ATP6V0E1: variants seen among roughly 807,000 people sequenced by gnomAD.
ATP6V0E1 encodes the protein ATPase H+ transporting V0 subunit e1.
A neutral mutation model predicts 11.6 loss-of-function variants in ATP6V0E1; 4 were observed. The observed-to-expected ratio is 0.35, with a 90% CI of 0.17 to 0.79. The LOEUF (loss-of-function observed/expected upper bound fraction) is 0.79, where lower values mean the gene tolerates loss of function less well. Among genes scored for constraint, ATP6V0E1 ranks in the 30% least tolerant of loss-of-function variants. The pLI is 0.54. For missense variants in ATP6V0E1, 105 were observed against 100.0 expected, an observed-to-expected ratio of 1.05 and a Z score of -0.21; for synonymous variants, 36 against 34.8, an observed-to-expected ratio of 1.04 and a Z score of -0.13.
intron 2 of ATP6V0E1, among the ~76,000 whole-genome samples, chr5:173,004,711 G>A (rs779966607): frequency 2.6e-5 from 4 of 152,130 alleles, no homozygotes; most frequent in Non-Finnish European, 5.9e-5. Context: ...TTTATATTCC[G>A]TTATTAGGCG....
At chr5:173,006,503 G>A (rs562602164) in intron 2 of ATP6V0E1, among the ~76,000 whole-genome samples, 7 of 152,136 alleles carry the variant, frequency 4.6e-5, no homozygotes, top group African/African-American at 1.7e-4. Context: ...CCAGCGACTC[G>A]GGAGGCTGAG....
intron 2 of ATP6V0E1, among the ~76,000 whole-genome samples, chr5:173,003,979 G>A (rs1054541828): frequency 4.6e-5 from 7 of 152,180 alleles, no homozygotes; most frequent in Non-Finnish European, 1.0e-4. Context: ...GCACAGGACA[G>A]CCTCACTTTC....
At chr5:173,017,533 TAAAAAAAAAAAAAAA>T (rs750496072) in intron 2 of ATP6V0E1, among the ~76,000 whole-genome samples, 1 of 62,802 alleles carries the variant, frequency 1.6e-5, no homozygotes, top group Non-Finnish European at 3.2e-5. Flanking sequence ...AGACTTCGTC[TAAAAAAAAAAAAAAA>T]AAAGCGATTC....
At chr5:172,988,935 C>T (rs1272913040) in intron 1 of ATP6V0E1, among the ~76,000 whole-genome samples, 4 of 152,332 alleles carry the variant, frequency 2.6e-5, no homozygotes, top group African/African-American at 7.2e-5. Context: ...GTGATCCTCT[C>T]GCCTCGGCCT....
chr5:172,990,660 C>A (rs1259175623), intron 1 of ATP6V0E1, among the ~76,000 whole-genome samples: 1 of 151,724 alleles, frequency 6.6e-6, no homozygotes, highest in Non-Finnish European at 1.5e-5. Flanking sequence ...AACCTCATCT[C>A]TACTAAAAAT....
chr5:172,993,645 A>G (rs1756016436), intron 1 of ATP6V0E1, among the ~76,000 whole-genome samples: 2 of 151,032 alleles, frequency 1.3e-5, no homozygotes, highest in South Asian at 2.1e-4. Context: ...ACTTGAGGCC[A>G]GGAGTTCAAG....
intron 2 of ATP6V0E1, among the ~76,000 whole-genome samples, chr5:173,001,143 A>C (rs946352319): frequency 3.9e-5 from 6 of 152,206 alleles, no homozygotes; most frequent in African/African-American, 1.4e-4. Context: ...ATTTAGCATT[A>C]GTAGGCACTG....
At chr5:172,998,966 A>G (rs549281919) in intron 2 of ATP6V0E1, among the ~76,000 whole-genome samples, 50 of 152,168 alleles carry the variant, frequency 3.3e-4, no homozygotes, top group Middle Eastern at 3.4e-3. Context: ...GTGAAACCCC[A>G]TCTCTACTAA....
At chr5:173,034,098 CTG>C (rs144137829) in intron 3 of ATP6V0E1, among the ~76,000 whole-genome samples, 38 of 152,320 alleles carry the variant, frequency 2.5e-4, no homozygotes, top group African/African-American at 9.1e-4. Flanking sequence ...ACTCTTGAAA[CTG>C]CGGTGAATTC....
At chr5:172,993,455 A>C (rs1318696710) in intron 1 of ATP6V0E1, among the ~76,000 whole-genome samples, 1 of 152,104 alleles carries the variant, frequency 6.6e-6, no homozygotes, top group African/African-American at 2.4e-5. Context: ...GCAATGAGCC[A>C]AGATTGTGCC....
In ATP6V0E1 at chr5:172,985,314, T is replaced by C. The variant is rs112004835; in HGVS notation, c.104+1350T>C. Reference sequence around the variant, plus strand: ...CTAATATTTTGTGACCTGAACCCCTTTTGCTCCCTGGGATACATTTGCTTT... The same window carrying C: ...CTAATATTTTGTGACCTGAACCCCTCTTGCTCCCTGGGATACATTTGCTTT... On this transcript the variant is annotated intron_variant, in intron 1 of 3. Transcript: ENST00000519374. Among the ~76,000 whole-genome samples, 430 of 152,224 alleles carry C rather than the reference T, an allele frequency of 2.8e-3. 1 individual carries two copies. Among genetic ancestry groups the C allele is most frequent in the African/African-American group, 9.9e-3 (410 of 41,558 alleles).
intron 2 of ATP6V0E1, among the ~76,000 whole-genome samples, chr5:172,997,953 C>CA (rs1270965827): frequency 2.0e-5 from 3 of 151,864 alleles, no homozygotes; most frequent in Non-Finnish European, 4.4e-5. Flanking sequence ...CCTTTCTCTA[C>CA]AAAAAATTAT....
chr5:172,991,399 A>C (rs569079300), intron 1 of ATP6V0E1, among the ~76,000 whole-genome samples: 1 of 152,344 alleles, frequency 6.6e-6, no homozygotes, highest in South Asian at 2.1e-4. Context: ...GGTAATACAA[A>C]GGAGCCTCAG....
At chr5:173,002,544 T>A (rs999404122) in intron 2 of ATP6V0E1, among the ~76,000 whole-genome samples, 3 of 152,206 alleles carry the variant, frequency 2.0e-5, no homozygotes, top group African/African-American at 7.2e-5. Context: ...CTGATCAGAT[T>A]TAGCTTCAAT....
intron 1 of ATP6V0E1, among the ~76,000 whole-genome samples, chr5:172,984,411 C>G (rs1339131830): frequency 6.6e-6 from 1 of 152,142 alleles, no homozygotes; most frequent in Non-Finnish European, 1.5e-5. Flanking sequence ...GTCGCGGTTG[C>G]GTACAGAACA....
chr5:173,020,563 C>A, intron 3 of ATP6V0E1, 196 bp downstream of exon 3: 2 of 556,370 alleles, frequency 3.6e-6, no homozygotes, highest in East Asian at 6.4e-5. Flanking sequence ...TTTTTAGATT[C>A]TGCTATCACC....
chr5:173,026,382 A>AT (rs1756558717), intron 3 of ATP6V0E1, among the ~76,000 whole-genome samples: 1 of 152,022 alleles, frequency 6.6e-6, no homozygotes, highest in South Asian at 2.1e-4. Flanking sequence ...AATTTATTGT[A>AT]TTTTTTTCTG....
At chr5:173,019,411 TG>T (rs1756447768) in intron 2 of ATP6V0E1, among the ~76,000 whole-genome samples, 1 of 151,986 alleles carries the variant, frequency 6.6e-6, no homozygotes, top group African/African-American at 2.4e-5. Flanking sequence ...AAAAATGAGC[TG>T]GGCGTGGTGG....
At chr5:173,031,646 G>A (rs1417037723) in intron 3 of ATP6V0E1, among the ~76,000 whole-genome samples, 1 of 151,142 alleles carries the variant, frequency 6.6e-6, no homozygotes, top group Non-Finnish European at 1.5e-5. Flanking sequence ...ATGAAACTCC[G>A]TCTCTACTAA....
Sources: gnomAD v4.1 joint callset for allele counts (sites outside exome capture counted in the v4.1 genomes callset) on GRCh38, gnomAD v4.1.1 for gene constraint, MANE v1.5 for transcripts, NCBI Gene and HGNC (gene_info 2026-07-23, HGNC 2026-07-21) for gene names.